Variants in CABLES1 observed in about 807,000 individuals in gnomAD.
CABLES1 encodes the protein Cdk5 and Abl enzyme substrate 1.
CABLES1 carries 36 observed loss-of-function variants against 57.8 expected under a neutral mutation model. The ratio of observed to expected loss-of-function variants is 0.62; its 90% CI spans 0.48 to 0.82. The LOEUF (loss-of-function observed/expected upper bound fraction) is 0.82. Ranked by LOEUF, CABLES1 falls within the 40% of genes least tolerant of loss-of-function variation. CABLES1 has a pLI of 0.00. For missense variants in CABLES1, 767 were observed against 836.6 expected (o/e 0.92, Z 1.03); for synonymous variants, 374 against 363.0 (o/e 1.03, Z -0.35).
At chr18:23,223,236 C>A (rs957916605) in intron 4 of CABLES1, among the ~76,000 whole-genome samples, 4 of 152,136 alleles carry the variant, frequency 2.6e-5, no homozygotes, top group Non-Finnish European at 4.4e-5. Context: ...AGTCACACAG[C>A]CCCATATTGA....
At chr18:23,195,064 G>A (rs2047272436) in intron 3 of CABLES1, among the ~76,000 whole-genome samples, 2 of 152,296 alleles carry the variant, frequency 1.3e-5, no homozygotes, top group African/African-American at 2.4e-5. Flanking sequence ...TCTGGAGTAT[G>A]TGTTTCTCCA....
chr18:23,208,441 G>T (rs1287389000), intron 3 of CABLES1, among the ~76,000 whole-genome samples: 1 of 152,242 alleles, frequency 6.6e-6, no homozygotes, highest in East Asian at 1.9e-4. Flanking sequence ...ACGGAAAGGG[G>T]TCAAGTCCCC....
chr18:23,165,359 A>AAGCACTGATT (rs1461484933), intron 1 of CABLES1, among the ~76,000 whole-genome samples: 5 of 152,162 alleles, frequency 3.3e-5, no homozygotes, highest in Admixed American at 6.5e-5. Context: ...TGGCCTCTGA[A>AAGCACTGATT]AGCACTGAGA....
intron 1 of CABLES1, among the ~76,000 whole-genome samples, chr18:23,177,524 T>TG (rs921998440): frequency 8.3e-4 from 126 of 152,120 alleles, no homozygotes; most frequent in African/African-American, 2.9e-3. Context: ...ACTTGGCTGT[T>TG]GGGGTCTCTG....
chr18:23,208,552 A>C (rs1461143080), intron 3 of CABLES1, among the ~76,000 whole-genome samples: 9 of 152,190 alleles, frequency 5.9e-5, no homozygotes, highest in Admixed American at 1.3e-4. Context: ...TCCAAATTTC[A>C]TAATATTCAT....
At chr18:23,195,048 C>T (rs1293287355) in intron 3 of CABLES1, among the ~76,000 whole-genome samples, 1 of 152,176 alleles carries the variant, frequency 6.6e-6, no homozygotes, top group Non-Finnish European at 1.5e-5. Flanking sequence ...CCTGGGCCAG[C>T]CAACATCTGG....
rs149822319 is a variant in CABLES1 at position 23,221,311 on chromosome 18, T to C, written c.1088+7257T>C. ...ATAGGAAATCGTCTGCTAGATATAATGAGATGCTTCTGATAACTGTCCGTC... is the reference window on the plus strand; with the variant it reads ...ATAGGAAATCGTCTGCTAGATATAACGAGATGCTTCTGATAACTGTCCGTC... On this transcript the variant is annotated intron_variant, in intron 4 of 9. Transcript: ENST00000256925. 2.6e-4 allele frequency among the ~76,000 whole-genome samples: 39 copies of C among 152,228 alleles called. 2 individuals carry two copies. In the East Asian group the frequency reaches 7.5e-3, roughly 29 times the overall value.
At chr18:23,220,834 A>G (rs1010310126) in intron 4 of CABLES1, among the ~76,000 whole-genome samples, 2 of 152,184 alleles carry the variant, frequency 1.3e-5, no homozygotes, top group African/African-American at 4.8e-5. Context: ...TGGAGTCTTA[A>G]GTGAAAAATA....
At chr18:23,150,635 G>A (rs2046922875) in intron 1 of CABLES1, among the ~76,000 whole-genome samples, 1 of 152,188 alleles carries the variant, frequency 6.6e-6, no homozygotes, top group Admixed American at 6.5e-5. Flanking sequence ...AGACCTTAGT[G>A]GCTCGTGCTG....
chr18:23,209,803 A>AGAC (rs575718228), intron 3 of CABLES1, among the ~76,000 whole-genome samples: 1,413 of 44,500 alleles, frequency 0.032, 23 homozygotes, highest in South Asian at 0.15. Context: ...GGCTGGTGAG[A>AGAC]GACATTGCCA....
intron 6 of CABLES1, among the ~76,000 whole-genome samples, chr18:23,236,691 C>G (rs2047617293): frequency 6.6e-6 from 1 of 152,320 alleles, no homozygotes; most frequent in Middle Eastern, 3.4e-3. Context: ...GCAGCTGTGC[C>G]TTGGTGGCCG....
intron 1 of CABLES1, among the ~76,000 whole-genome samples, chr18:23,163,298 T>A (rs2047017696): frequency 6.6e-6 from 1 of 152,122 alleles, no homozygotes; most frequent in Non-Finnish European, 1.5e-5. Flanking sequence ...CTATGTGGGA[T>A]CCTGGAGCTT....
chr18:23,231,577 G>A (rs557583188), intron 4 of CABLES1, among the ~76,000 whole-genome samples: 11 of 152,304 alleles, frequency 7.2e-5, no homozygotes, highest in Non-Finnish European at 1.2e-4. Context: ...AGTGAGTCAC[G>A]TTATTTCTCG....
intron 7 of CABLES1, among the ~76,000 whole-genome samples, chr18:23,239,341 A>G (rs2047679414): frequency 6.6e-6 from 1 of 152,182 alleles, no homozygotes; most frequent in African/African-American, 2.4e-5. Context: ...CATGGACTGC[A>G]TTTTCCTGGT....
chr18:23,172,719 G>T (rs1433307939), intron 1 of CABLES1, among the ~76,000 whole-genome samples: 2 of 152,196 alleles, frequency 1.3e-5, no homozygotes, highest in East Asian at 3.8e-4. Flanking sequence ...TATTCACGTG[G>T]CTTTAAGCAC....
At chr18:23,201,809 G>A (rs1028219536) in intron 3 of CABLES1, among the ~76,000 whole-genome samples, 1 of 152,318 alleles carries the variant, frequency 6.6e-6, no homozygotes, top group South Asian at 2.1e-4. Flanking sequence ...GAGATAATGT[G>A]CCATGGAGAG....
At chr18:23,234,853 C>A in intron 5 of CABLES1, 149 bp downstream of exon 5, 1 of 662,202 alleles carries the variant, frequency 1.5e-6, no homozygotes. Flanking sequence ...GCCTGCCCGG[C>A]TCCCCTAGTG....
intron 1 of CABLES1, among the ~76,000 whole-genome samples, chr18:23,145,441 T>C (rs2046886065): frequency 6.6e-6 from 1 of 152,186 alleles, no homozygotes; most frequent in Non-Finnish European, 1.5e-5. Context: ...GTGCAAAATG[T>C]CGCTATCAAA....
chr18:23,159,521 G>T (rs1283958887), intron 1 of CABLES1, among the ~76,000 whole-genome samples: 5 of 152,128 alleles, frequency 3.3e-5, no homozygotes, highest in Non-Finnish European at 5.9e-5. Context: ...GTTTTAAGTG[G>T]ACCTTTTACC....
Sources: allele counts gnomAD v4.1 joint callset (sites outside exome capture counted in the v4.1 genomes callset), GRCh38; gene constraint gnomAD v4.1.1; transcripts MANE v1.5; gene names NCBI Gene and HGNC (gene_info 2026-07-23, HGNC 2026-07-21).